The following ATP2B4 variants were observed in gnomAD, a reference collection of about 807,000 sequenced individuals.
ATP2B4 encodes the protein ATPase plasma membrane Ca2+ transporting 4, also known as plasma membrane calcium-transporting ATPase 4.
In ATP2B4, 39 loss-of-function variants were observed where a neutral mutation model predicts 110.3. The observed-to-expected ratio is 0.35, with a 90% CI of 0.27 to 0.46. ATP2B4 has a LOEUF of 0.46. Among genes scored for constraint, ATP2B4 ranks in the 20% least tolerant of loss-of-function variants. ATP2B4 has a pLI of 1.00. For missense variants in ATP2B4, 1,135 were observed against 1,530.9 expected (o/e 0.74, Z 4.32); for synonymous variants, 538 against 571.7 (o/e 0.94, Z 0.84).
intron 2 of ATP2B4, among the ~76,000 whole-genome samples, chr1:203,694,854 C>A (rs1405493243): frequency 6.6e-6 from 1 of 151,932 alleles, no homozygotes; most frequent in Non-Finnish European, 1.5e-5. Context: ...TGGTTTAGAC[C>A]AGGATGATAA....
At chr1:203,649,920 C>T (rs55956419) in intron 1 of ATP2B4, among the ~76,000 whole-genome samples, 36,294 of 152,084 alleles carry the variant, frequency 0.24, 4,950 homozygotes, top group African/African-American at 0.38. Flanking sequence ...GGTCCCCATA[C>T]GCTAAGTAGG....
At chr1:203,698,418 G>A (rs1001805898) in intron 3 of ATP2B4, 64 bp downstream of exon 3, 118 of 1,526,572 alleles carry the variant, frequency 7.7e-5, no homozygotes, top group Non-Finnish European at 9.7e-5. Flanking sequence ...ACCACCAAGC[G>A]CTTAGTATTG....
intron 1 of ATP2B4, among the ~76,000 whole-genome samples, chr1:203,654,970 A>G (rs1664114246): frequency 6.6e-6 from 1 of 152,144 alleles, no homozygotes; most frequent in African/African-American, 2.4e-5. Context: ...GGAGTTTGGA[A>G]GAAGTTGATT....
chr1:203,703,914 GCT>G, intron 8 of ATP2B4, 101 bp downstream of exon 8: 1 of 1,430,694 alleles, frequency 7.0e-7, no homozygotes, highest in Non-Finnish European at 9.3e-7. Context: ...GCAGAAAGAA[GCT>G]GAAACTTCAG....
chr1:203,686,491 A>G (rs1054887737), intron 2 of ATP2B4, among the ~76,000 whole-genome samples: 3 of 152,088 alleles, frequency 2.0e-5, no homozygotes, highest in Admixed American at 6.6e-5. Context: ...ATCAAATGTT[A>G]TAGACATAGC....
intron 19 of ATP2B4, 97 bp from the exon 20 acceptor site, chr1:203,727,298 A>G (rs747161578): frequency 1.5e-5 from 22 of 1,431,774 alleles, no homozygotes; most frequent in Non-Finnish European, 2.1e-5. Context: ...TGGTAGGGCA[A>G]AGAGTAACCT....
At chr1:203,725,497 C>T (rs889636879) in intron 19 of ATP2B4, among the ~76,000 whole-genome samples, 14 of 152,172 alleles carry the variant, frequency 9.2e-5, no homozygotes, top group African/African-American at 3.1e-4. Flanking sequence ...GTTACATAAC[C>T]AATCTGTGTC....
At chr1:203,641,346 G>C (rs1252633506) in intron 1 of ATP2B4, among the ~76,000 whole-genome samples, 6 of 152,216 alleles carry the variant, frequency 3.9e-5, no homozygotes, top group Non-Finnish European at 7.3e-5. Context: ...TGTGGCTTGT[G>C]GCAGGGGAGG....
At position 203,635,761 on chromosome 1, in the gene ATP2B4, A is replaced by G. The variant is rs541621704; in HGVS notation, c.-465+8542A>G. 9.8e-5 allele frequency among the ~76,000 whole-genome samples: 15 copies of G among 152,340 alleles called. No individual in the cohort carries two copies. In the South Asian group the frequency reaches 3.1e-3, roughly 32 times the overall value. ...AATACTTAGCCAGAGAGAGAAGTCC[A>G]TGCCAGAGGCACTCCTAGATTCCTG... On this transcript the variant is annotated intron_variant, in intron 1 of 20. Transcript: ENST00000357681.
At chr1:203,645,097 A>C (rs1224815242) in intron 1 of ATP2B4, among the ~76,000 whole-genome samples, 1 of 152,202 alleles carries the variant, frequency 6.6e-6, no homozygotes, top group Non-Finnish European at 1.5e-5. Flanking sequence ...GCTCTCAGCT[A>C]TATTCAGATT....
intron 2 of ATP2B4, among the ~76,000 whole-genome samples, chr1:203,696,844 A>T (rs1419984760): frequency 6.6e-6 from 1 of 151,906 alleles, no homozygotes; most frequent in Non-Finnish European, 1.5e-5. Flanking sequence ...ATGTGTCTGT[A>T]TATTGTGTAT....
chr1:203,660,097 A>AG lies in ATP2B4; in HGVS notation c.-464-22645_-464-22644insG, dbSNP rs764669362. 4.8e-3 allele frequency among the ~76,000 whole-genome samples: 581 copies of AG among 120,568 alleles called. 6 individuals are homozygous for AG. Among genetic ancestry groups the AG allele is most frequent in the Non-Finnish European group, 5.9e-3 (342 of 58,176 alleles). The allele number at this position is 120,568 out of a possible 152,430, so 79.1% of individuals were successfully genotyped here. A position where few individuals can be genotyped will look rare whatever the true frequency, so the allele number is the denominator to read the frequency against. On this transcript the variant is annotated intron_variant, in intron 1 of 20. Transcript: ENST00000357681. Reference sequence around the variant, plus strand: ...ACTCCATCTCAAAAAAAAAAAAAAAAAAAGAAAGAAAGAAAGAAAGAAACT... The same window carrying AG: ...ACTCCATCTCAAAAAAAAAAAAAAAAGAAAGAAAGAAAGAAAGAAAGAAACT...
chr1:203,701,193 T>C (rs183766770), intron 6 of ATP2B4, among the ~76,000 whole-genome samples: 2 of 151,950 alleles, frequency 1.3e-5, no homozygotes, highest in Admixed American at 1.3e-4. Context: ...GGATGAGTTA[T>C]AAAGCCTGCC....
intron 20 of ATP2B4, chr1:203,727,838 C>T (rs1404391429): frequency 1.1e-5 from 5 of 441,176 alleles, no homozygotes; most frequent in Non-Finnish European, 2.1e-5. Context: ...GCCCAGCCTG[C>T]CACCCTCTAT....
At chr1:203,640,369 G>A (rs1320000889) in intron 1 of ATP2B4, among the ~76,000 whole-genome samples, 2 of 152,168 alleles carry the variant, frequency 1.3e-5, no homozygotes, top group Non-Finnish European at 2.9e-5. Flanking sequence ...CCAGGCTGGA[G>A]TACAGTGGCA....
intron 1 of ATP2B4, among the ~76,000 whole-genome samples, chr1:203,640,383 T>C (rs1476620988): frequency 1.3e-5 from 2 of 152,210 alleles, no homozygotes; most frequent in Non-Finnish European, 2.9e-5. Flanking sequence ...AGTGGCACAA[T>C]CATGGCTCAC....
rs116137218 is a variant in ATP2B4, at chr1:203,656,990, T to C, written c.-464-25752T>C. 2,294 of 731,060 alleles carry C rather than the reference T, an allele frequency of 3.1e-3. 31 individuals are homozygous for C. Among genetic ancestry groups the C allele is most frequent in the African/African-American group, 0.026 (1,504 of 57,340 alleles). 45.3% of individuals were successfully genotyped at this position (731,060 alleles called of 1,614,324 possible). A position where few individuals can be genotyped will look rare whatever the true frequency, so the allele number is the denominator to read the frequency against. On this transcript the variant is annotated intron_variant, in intron 1 of 20. Coordinates refer to ENST00000357681, the MANE Select transcript of ATP2B4 (RefSeq NM_001684.5). ...TGTCAAACCAGTAAGACTGCATTTATGCAGCCATCATTTTCAGGACTGTTG... is the reference window on the plus strand; with the variant it reads ...TGTCAAACCAGTAAGACTGCATTTACGCAGCCATCATTTTCAGGACTGTTG...
intron 1 of ATP2B4, among the ~76,000 whole-genome samples, chr1:203,642,637 A>T (rs552895174): frequency 6.6e-6 from 1 of 152,202 alleles, no homozygotes; most frequent in Non-Finnish European, 1.5e-5. Context: ...CCCGGGGGTC[A>T]GAGCTTACCA....
intron 1 of ATP2B4, among the ~76,000 whole-genome samples, chr1:203,651,349 G>A (rs370769503): frequency 2.0e-5 from 3 of 151,778 alleles, no homozygotes; most frequent in Admixed American, 6.6e-5. Context: ...TGCATGCCTC[G>A]CTTTTACTGC....
Sources: allele counts gnomAD v4.1 joint callset (sites outside exome capture counted in the v4.1 genomes callset), GRCh38; gene constraint gnomAD v4.1.1; transcripts MANE v1.5; gene names NCBI Gene and HGNC (gene_info 2026-07-23, HGNC 2026-07-21).